The following CDIN1 variants were observed in gnomAD, a reference collection of about 807,000 sequenced individuals.
The protein encoded by CDIN1 is CDAN1-interacting nuclease 1.
CDIN1 carries 33 observed loss-of-function variants against 45.3 expected under a neutral mutation model. That is an observed-to-expected ratio of 0.73 (90% CI 0.55 to 0.97). CDIN1 has a LOEUF of 0.97. Among genes scored for constraint, CDIN1 ranks in the 50% least tolerant of loss-of-function variants. The probability of loss-of-function intolerance (pLI) is 0.00; values close to 1 mark genes in which losing one functional copy is unlikely to be tolerated. For missense variants in CDIN1, 303 were observed against 339.4 expected (o/e 0.89, Z 0.84); for synonymous variants, 118 against 124.4 (o/e 0.95, Z 0.34).
At chr15:36,582,858 G>A (rs8037822) in intron 1 of CDIN1, among the ~76,000 whole-genome samples, 55,563 of 151,982 alleles carry the variant, frequency 0.37, 10,295 homozygotes, top group Middle Eastern at 0.46. Flanking sequence ...TAATATGTTC[G>A]ATCAAGAATG....
chr15:36,608,011 T>C (rs1380611647), intron 1 of CDIN1, among the ~76,000 whole-genome samples: 1 of 152,262 alleles, frequency 6.6e-6, no homozygotes, highest in African/African-American at 2.4e-5. Context: ...TTCATTCGTG[T>C]TGTCTCATTC....
chr15:36,707,547 A>ATT (rs1270375552), intron 8 of CDIN1: 1 of 56,814 alleles, frequency 1.8e-5, no homozygotes, highest in Admixed American at 1.9e-4. Context: ...TTTTAAAGGG[A>ATT]TTTTTATGTG....
intron 10 of CDIN1, among the ~76,000 whole-genome samples, chr15:36,801,104 G>C (rs938857352): frequency 6.6e-6 from 1 of 150,918 alleles, no homozygotes; most frequent in Non-Finnish European, 1.5e-5. Flanking sequence ...TAGTCTACTT[G>C]TCATTCTTCA....
At chr15:36,620,344 CTG>C (rs2039124867) in intron 1 of CDIN1, among the ~76,000 whole-genome samples, 1 of 151,870 alleles carries the variant, frequency 6.6e-6, no homozygotes, top group Non-Finnish European at 1.5e-5. Flanking sequence ...AAGCGAAACT[CTG>C]TCTCAAAAAA....
chr15:36,610,010 A>C (rs1483316364), intron 1 of CDIN1, among the ~76,000 whole-genome samples: 1 of 152,240 alleles, frequency 6.6e-6, no homozygotes, highest in Non-Finnish European at 1.5e-5. Context: ...TCTCTGACAT[A>C]TCAAAGTAGG....
At chr15:36,693,538 A>G (rs529250267) in intron 7 of CDIN1, among the ~76,000 whole-genome samples, 1 of 152,328 alleles carries the variant, frequency 6.6e-6, no homozygotes, top group African/African-American at 2.4e-5. Flanking sequence ...TTTAAAGCAC[A>G]TAAAATAGTT....
chr15:36,734,464 T>C (rs535283348), intron 10 of CDIN1: 28 of 349,560 alleles, frequency 8.0e-5, no homozygotes, highest in African/African-American at 5.8e-4. Flanking sequence ...TAATTAACAG[T>C]ATATCTCCAA....
At chr15:36,755,026 C>T (rs779164746) in intron 10 of CDIN1, among the ~76,000 whole-genome samples, 5 of 152,090 alleles carry the variant, frequency 3.3e-5, no homozygotes, top group Non-Finnish European at 5.9e-5. Flanking sequence ...CTAATCTTCA[C>T]GTTTTTCTTT....
Position 36,721,113 on chromosome 15 carries a change from T to G in CDIN1, c.716+11152T>G, listed in dbSNP as rs1644305400. 2.0e-5 allele frequency among the ~76,000 whole-genome samples: 3 copies of G among 152,198 alleles called. No homozygotes were observed. The South Asian group carries it at 6.2e-4, about 31-fold the overall frequency. On this transcript the variant is annotated intron_variant, in intron 10 of 10. Coordinates refer to ENST00000566621, the MANE Select transcript of CDIN1 (RefSeq NM_001321759.2). Reference sequence around the variant, plus strand: ...GTCTGTTCATATCCTTTGCCCACTTTTTGATGAGGTTGTTTTTTTCTCGTA... The same window carrying G: ...GTCTGTTCATATCCTTTGCCCACTTGTTGATGAGGTTGTTTTTTTCTCGTA...
intron 5 of CDIN1, among the ~76,000 whole-genome samples, chr15:36,659,663 T>C (rs1466015774): frequency 6.6e-6 from 1 of 151,460 alleles, no homozygotes; most frequent in Non-Finnish European, 1.5e-5. Flanking sequence ...ATGACAGATA[T>C]TTGATGTTAT....
chr15:36,781,440 G>A (rs2054349283), intron 10 of CDIN1, among the ~76,000 whole-genome samples: 3 of 152,170 alleles, frequency 2.0e-5, no homozygotes, highest in Non-Finnish European at 2.9e-5. Flanking sequence ...TACAGTCAGG[G>A]TCACACTTGG....
chr15:36,779,245 T>C (rs1442128457), intron 10 of CDIN1, among the ~76,000 whole-genome samples: 1 of 152,218 alleles, frequency 6.6e-6, no homozygotes, highest in Non-Finnish European at 1.5e-5. Context: ...TATATAATTT[T>C]TAGATGCACC....
intron 10 of CDIN1, among the ~76,000 whole-genome samples, chr15:36,797,295 C>T (rs2054833297): frequency 6.6e-6 from 1 of 152,148 alleles, no homozygotes; most frequent in Admixed American, 6.5e-5. Context: ...GAGATATGGC[C>T]AGGAACAGTA....
At chr15:36,664,630 T>C (rs886714922) in intron 5 of CDIN1, among the ~76,000 whole-genome samples, 1 of 151,956 alleles carries the variant, frequency 6.6e-6, no homozygotes, top group Non-Finnish European at 1.5e-5. Flanking sequence ...CACTGCAAGC[T>C]CTGCCTCCCG....
chr15:36,709,980 T>G lies in CDIN1; in HGVS notation c.716+19T>G. 1 of 1,562,302 alleles carries G rather than the reference T, an allele frequency of 6.4e-7. No individual in the cohort carries two copies. The highest frequency in any genetic ancestry group is 8.8e-7 in the Non-Finnish European group (1 of 1,141,198). The stretch of plus-strand genomic sequence containing the variant: ...GGAATAGGTAAGGTCTCATTATTTT[T>G]CTTTTAAGATAAACGATACTCAGCT... On this transcript the variant is annotated intron_variant, in intron 10 of 10. Transcript: ENST00000566621.
chr15:36,713,789 G>T (rs535521220), intron 10 of CDIN1, among the ~76,000 whole-genome samples: 59 of 152,274 alleles, frequency 3.9e-4, no homozygotes, highest in African/African-American at 1.4e-3. Context: ...ACTCAGCTTG[G>T]CTGACATCTC....
intron 1 of CDIN1, among the ~76,000 whole-genome samples, chr15:36,592,737 GC>G (rs1205203691): frequency 1.3e-5 from 2 of 151,966 alleles, no homozygotes; most frequent in African/African-American, 4.8e-5. Flanking sequence ...GATTGAACTT[GC>G]CTAAAGAATG....
chr15:36,715,027 C>T (rs564485679), intron 10 of CDIN1, among the ~76,000 whole-genome samples: 118 of 152,278 alleles, frequency 7.7e-4, no homozygotes, highest in Non-Finnish European at 1.4e-3. Context: ...GTGCAGGACA[C>T]GGACCTCTCT....
intron 1 of CDIN1, among the ~76,000 whole-genome samples, chr15:36,587,183 ACATTTTGAAG>A (rs1240023889): frequency 1.3e-5 from 2 of 152,074 alleles, no homozygotes; most frequent in Non-Finnish European, 2.9e-5. Flanking sequence ...GGTGTTTTCC[ACATTTTGAAG>A]CATGTTTTTT....
Sources: gnomAD v4.1 joint callset for allele counts (sites outside exome capture counted in the v4.1 genomes callset) on GRCh38, gnomAD v4.1.1 for gene constraint, MANE v1.5 for transcripts, NCBI Gene and HGNC (gene_info 2026-07-23, HGNC 2026-07-21) for gene names.